The following RHOQ variants were observed in gnomAD, a reference collection of about 807,000 sequenced individuals.
The protein encoded by RHOQ is rho-related GTP-binding protein RhoQ.
In RHOQ, 7 loss-of-function variants were observed where a neutral mutation model predicts 25.8. That is an observed-to-expected ratio of 0.27 (90% CI 0.15 to 0.51). RHOQ has a LOEUF of 0.51. RHOQ is among the 20% of genes least tolerant of loss of function. The pLI, the probability that RHOQ is intolerant of heterozygous loss-of-function variation, is 0.97. For missense variants in RHOQ, 165 were observed against 260.6 expected (o/e 0.63, Z 2.53); for synonymous variants, 97 against 98.6 (o/e 0.98, Z 0.10).
intron 2 of RHOQ, among the ~76,000 whole-genome samples, chr2:46,551,102 A>C (rs573974415): frequency 6.6e-6 from 1 of 152,336 alleles, no homozygotes; most frequent in East Asian, 1.9e-4. Context: ...CTTCCCAGCA[A>C]GGGGCTTAAC....
At chr2:46,567,650 G>A (rs758031651) in intron 2 of RHOQ, among the ~76,000 whole-genome samples, 4 of 151,940 alleles carry the variant, frequency 2.6e-5, no homozygotes, top group Non-Finnish European at 5.9e-5. Flanking sequence ...TCTCAGCCTC[G>A]CAGAGTGCTG....
At chr2:46,572,942 T>C (rs1668983489) in intron 2 of RHOQ, among the ~76,000 whole-genome samples, 1 of 152,220 alleles carries the variant, frequency 6.6e-6, no homozygotes, top group African/African-American at 2.4e-5. Context: ...ATATGAACCA[T>C]TTTATATGAT....
chr2:46,571,089 T>A (rs894109087), intron 2 of RHOQ, among the ~76,000 whole-genome samples: 1 of 152,218 alleles, frequency 6.6e-6, no homozygotes, highest in African/African-American at 2.4e-5. Context: ...TTGGATACGT[T>A]CAAGTTCTCT....
At position 46,566,216 on chromosome 2, in the gene RHOQ, A is replaced by C. The variant is rs921599683; in HGVS notation, c.202-9871A>C. On this transcript the variant is annotated intron_variant, in intron 2 of 4. Transcript: ENST00000238738. This position sits in a 1 kb window ranked among gnomAD's most constrained non-coding sequence, Gnocchi z 4.2. ...GTTTTGATTGGGAAGAAATGAATTTAGTTCAGAAATGTTGAATTTGAGATG... is the reference window on the plus strand; with the variant it reads ...GTTTTGATTGGGAAGAAATGAATTTCGTTCAGAAATGTTGAATTTGAGATG... 1.3e-5 allele frequency among the ~76,000 whole-genome samples: 2 copies of C among 152,176 alleles called. No individual in the cohort carries two copies. The highest frequency in any genetic ancestry group is 2.9e-5 in the Non-Finnish European group (2 of 68,030).
At chr2:46,574,383 A>G (rs1040655112) in intron 2 of RHOQ, among the ~76,000 whole-genome samples, 1 of 151,298 alleles carries the variant, frequency 6.6e-6, no homozygotes, top group African/African-American at 2.4e-5. Flanking sequence ...AACAGGCAGT[A>G]GAGCCCAGAA....
At chr2:46,554,250 A>G (rs1196988271) in intron 2 of RHOQ, among the ~76,000 whole-genome samples, 1 of 152,072 alleles carries the variant, frequency 6.6e-6, no homozygotes, top group African/African-American at 2.4e-5. Context: ...TGAATGATTC[A>G]GCCATGGGTG....
intron 4 of RHOQ, among the ~76,000 whole-genome samples, chr2:46,577,565 A>ATTTTTTTTT (rs908178158): frequency 3.1e-5 from 2 of 64,958 alleles, no homozygotes; most frequent in Non-Finnish European, 6.1e-5. Flanking sequence ...ACACCCGGCT[A>ATTTTTTTTT]TTTTTTTTTT....
chr2:46,544,195 T>G (rs1667968447), intron 2 of RHOQ, among the ~76,000 whole-genome samples: 1 of 152,194 alleles, frequency 6.6e-6, no homozygotes, highest in African/African-American at 2.4e-5. Flanking sequence ...TGGTGAGTGG[T>G]CTGCCTGCCC....
At chr2:46,572,100 A>AGTGT (rs71397004) in intron 2 of RHOQ, among the ~76,000 whole-genome samples, 3 of 100,864 alleles carry the variant, frequency 3.0e-5, no homozygotes, top group Non-Finnish European at 6.2e-5. Context: ...TCAGGTGGTA[A>AGTGT]GTGTGTGTTT....
intron 1 of RHOQ, 96 bp downstream of exon 1, chr2:46,543,284 C>T: frequency 2.9e-6 from 4 of 1,366,634 alleles, no homozygotes; most frequent in South Asian, 1.2e-5. Context: ...CCAGAGCGCA[C>T]TCCTCTCCCC....
At position 46,572,121 on chromosome 2, in the gene RHOQ, T is replaced by TTTTG. The variant is rs1668944483; in HGVS notation, c.202-3963_202-3962insGTTT. Reference sequence around the variant, plus strand: ...GGTAAGTGTGTGTTTTTTTTTTTTTTTTTTTTTTTTTTTGAGACAGGGTCT... The same window carrying TTTTG: ...GGTAAGTGTGTGTTTTTTTTTTTTTTTTTGTTTTTTTTTTTTTGAGACAGGGTCT... On this transcript the variant is annotated intron_variant, in intron 2 of 4. Transcript: ENST00000238738. Among the ~76,000 whole-genome samples, 5 of 138,294 alleles carry TTTTG rather than the reference T, an allele frequency of 3.6e-5. 1 individual carries two copies. The highest frequency in any genetic ancestry group is 1.1e-4 in the African/African-American group (4 of 35,316). 90.7% of individuals were successfully genotyped at this position (138,294 alleles called of 152,430 possible).
At position 46,576,797 on chromosome 2, in the gene RHOQ, G is replaced by T; in HGVS notation, c.462+141G>T. ...CTCATTTAATCCTTGCATGAACTCA[G>T]TGAGGTAGGTCTGTTTCCCCTGTTA... On this transcript the variant is annotated intron_variant, in intron 4 of 4. Transcript: ENST00000238738. The surrounding 1 kb of genome is among the most constrained non-coding windows in gnomAD (Gnocchi z 5.1). The T allele has an allele frequency of 1.8e-6, 1 of 555,660 alleles. No homozygotes were observed. The highest frequency in any genetic ancestry group is 3.2e-6 in the Non-Finnish European group (1 of 314,002). 34.4% of individuals were successfully genotyped at this position (555,660 alleles called of 1,614,324 possible). A position where few individuals can be genotyped will look rare whatever the true frequency, so the allele number is the denominator to read the frequency against.
intron 2 of RHOQ, among the ~76,000 whole-genome samples, chr2:46,547,467 A>G (rs1394922418): frequency 6.6e-6 from 1 of 152,224 alleles, no homozygotes; most frequent in African/African-American, 2.4e-5. Flanking sequence ...GAGAGAGTGT[A>G]TTGGACTTCA....
chr2:46,555,273 C>T lies in RHOQ; in HGVS notation c.201+11461C>T, dbSNP rs1668379123. Among the ~76,000 whole-genome samples, 1 of 152,252 alleles carries T rather than the reference C, an allele frequency of 6.6e-6. No individual in the cohort carries two copies. Among genetic ancestry groups the T allele is most frequent in the Non-Finnish European group, 1.5e-5 (1 of 68,048 alleles). On this transcript the variant is annotated intron_variant, in intron 2 of 4. Transcript: ENST00000238738. This position sits in a 1 kb window ranked among gnomAD's most constrained non-coding sequence, Gnocchi z 4.3. ...CTAAGTGAATTGTCTCCAGGCTGCA[C>T]TCTAGCATTTGGTTTTATTCATGTG...
chr2:46,571,160 A>G (rs1251560840), intron 2 of RHOQ, among the ~76,000 whole-genome samples: 1 of 152,224 alleles, frequency 6.6e-6, no homozygotes, highest in Non-Finnish European at 1.5e-5. Flanking sequence ...GTGTCCCCTC[A>G]TTACTACTTT....
intron 2 of RHOQ, among the ~76,000 whole-genome samples, chr2:46,547,138 G>C (rs1166794778): frequency 6.6e-6 from 1 of 152,222 alleles, no homozygotes. Flanking sequence ...AGAGAGTTAA[G>C]ATGGAATGAG....
Position 46,581,196 on chromosome 2 carries a change from A to G in RHOQ, c.*113A>G. 2.0e-6 allele frequency: 2 copies of G among 995,512 alleles called. No individual in the cohort carries two copies. Among genetic ancestry groups the G allele is most frequent in the Non-Finnish European group, 1.4e-6 (1 of 692,768 alleles). 61.7% of individuals were successfully genotyped at this position (995,512 alleles called of 1,614,324 possible). A position where few individuals can be genotyped will look rare whatever the true frequency, so the allele number is the denominator to read the frequency against. On this transcript the variant is annotated 3_prime_UTR_variant, in exon 5 of 5. Coordinates refer to ENST00000238738, the MANE Select transcript of RHOQ (RefSeq NM_012249.4). The stretch of plus-strand genomic sequence containing the variant: ...ATGAAGCAGTTCAAAACTTGAAAGA[A>G]AACAAAACCTGTCCTCAGAATTCTA...
chr2:46,575,432 C>G (rs1000017881), intron 2 of RHOQ, among the ~76,000 whole-genome samples: 4 of 151,354 alleles, frequency 2.6e-5, no homozygotes, highest in African/African-American at 9.7e-5. Flanking sequence ...CACACACACA[C>G]ACACACACAC....
Position 46,582,604 on chromosome 2 carries a change from A to G in RHOQ, c.*1521A>G, listed in dbSNP as rs1324726224. 2.6e-5 allele frequency: 4 copies of G among 152,558 alleles called. No individual in the cohort carries two copies. Among genetic ancestry groups the G allele is most frequent in the Admixed American group, 6.5e-5 (1 of 15,282 alleles). The allele number at this position is 152,558 out of a possible 1,614,324, so 9.5% of individuals were successfully genotyped here. A position where few individuals can be genotyped will look rare whatever the true frequency, so the allele number is the denominator to read the frequency against. ...TTTTTCTAGCCTTTCCTACATTTAA[A>G]CTTGCTGTTGCCCAAATTATAATTT... is the stretch of plus-strand genomic sequence containing the variant. On this transcript the variant is annotated 3_prime_UTR_variant, in exon 5 of 5. Coordinates refer to ENST00000238738, the MANE Select transcript of RHOQ (RefSeq NM_012249.4).
Sources: allele counts gnomAD v4.1 joint callset (sites outside exome capture counted in the v4.1 genomes callset), GRCh38; gene constraint gnomAD v4.1.1; non-coding constraint Gnocchi (gnomAD v3.1); transcripts MANE v1.5; gene names NCBI Gene and HGNC (gene_info 2026-07-23, HGNC 2026-07-21).